Variants in PPP2R2B observed in about 807,000 individuals in gnomAD.
PPP2R2B encodes the protein serine/threonine-protein phosphatase 2A 55 kDa regulatory subunit B beta isoform.
In PPP2R2B, 5 loss-of-function variants were observed where a neutral mutation model predicts 46.0. The ratio of observed to expected loss-of-function variants is 0.11; its 90% CI spans 0.06 to 0.23. The LOEUF is 0.23. PPP2R2B is among the 10% of genes least tolerant of loss of function. The probability of loss-of-function intolerance (pLI) is 1.00; values close to 1 mark genes in which losing one functional copy is unlikely to be tolerated. For missense variants in PPP2R2B, 367 were observed against 575.0 expected (o/e 0.64, Z 3.70); for synonymous variants, 215 against 206.7 (o/e 1.04, Z -0.34).
chr5:146,993,473 C>T (rs1173597782), intron 1 of PPP2R2B, among the ~76,000 whole-genome samples: 3 of 151,906 alleles, frequency 2.0e-5, no homozygotes, highest in Non-Finnish European at 4.4e-5. Flanking sequence ...AACTCCTGAG[C>T]TCAAGTGATC....
At position 146,876,034 on chromosome 5, in the gene PPP2R2B, G is replaced by T. The variant is rs1761879314; in HGVS notation, c.70+1968C>A. Among the ~76,000 whole-genome samples the T allele has an allele frequency of 2.0e-5, 3 of 152,302 alleles. No individual in the cohort carries two copies. In the South Asian group the frequency reaches 6.2e-4, roughly 32 times the overall value. ...TCTTTTCATACCTTCTCTAAGATCA[G>T]ATTTTAAAACCTAGAAGCTTCTGTG... On this transcript the variant is annotated intron_variant, in intron 2 of 9. Transcript: ENST00000394411.
At position 146,746,577 on chromosome 5, in the gene PPP2R2B, C is replaced by T. The variant is rs184352446; in HGVS notation, c.71-45435G>A. Among the ~76,000 whole-genome samples, 30 of 152,280 alleles carry T rather than the reference C, an allele frequency of 2.0e-4. No individual in the cohort carries two copies. The East Asian group carries it at 3.5e-3, about 18-fold the overall frequency. Reference sequence around the variant, plus strand: ...CAAAAGGAGAACAGGGCTTCCAGGACGACTCTGTCTGCTCCTCAATTTCTC... The same window carrying T: ...CAAAAGGAGAACAGGGCTTCCAGGATGACTCTGTCTGCTCCTCAATTTCTC... On this transcript the variant is annotated intron_variant, in intron 2 of 9. Coordinates refer to ENST00000394411, the MANE Select transcript of PPP2R2B (RefSeq NM_181675.4).
At chr5:146,812,808 TATATATATATATATATATATAC>T (rs1757689612) in intron 2 of PPP2R2B, among the ~76,000 whole-genome samples, 1 of 63,302 alleles carries the variant, frequency 1.6e-5, no homozygotes, top group African/African-American at 6.4e-5. Context: ...TATATATATA[TATATATATATATATATATATAC>T]ACACACATTT....
chr5:146,944,105 T>G (rs1050348814), intron 1 of PPP2R2B, among the ~76,000 whole-genome samples: 5 of 152,218 alleles, frequency 3.3e-5, no homozygotes, highest in African/African-American at 1.2e-4. Flanking sequence ...ATTAAAGTTT[T>G]AATCTCAGAC....
intron 2 of PPP2R2B, among the ~76,000 whole-genome samples, chr5:146,722,117 A>G (rs1319520067): frequency 6.6e-6 from 1 of 152,174 alleles, no homozygotes; most frequent in Non-Finnish European, 1.5e-5. Flanking sequence ...CCAGCCTTCT[A>G]ACATAGGCAG....
intron 1 of PPP2R2B, among the ~76,000 whole-genome samples, chr5:146,955,399 T>C (rs1751845377): frequency 6.6e-6 from 1 of 152,200 alleles, no homozygotes; most frequent in Non-Finnish European, 1.5e-5. Context: ...AGACTACATT[T>C]TGAGTAGCAA....
At chr5:146,992,946 TTA>T (rs1372762665) in intron 1 of PPP2R2B, among the ~76,000 whole-genome samples, 7 of 152,146 alleles carry the variant, frequency 4.6e-5, no homozygotes, top group African/African-American at 1.4e-4. Context: ...TTTTTTATTT[TTA>T]TGTTTATTTT....
At chr5:146,854,718 C>T (rs188016404) in intron 2 of PPP2R2B, among the ~76,000 whole-genome samples, 2 of 152,134 alleles carry the variant, frequency 1.3e-5, no homozygotes, top group African/African-American at 4.8e-5. Flanking sequence ...TCACACTGAT[C>T]GCTAAGCTGT....
chr5:146,699,261 T>C (rs1779396200), intron 3 of PPP2R2B, among the ~76,000 whole-genome samples: 8 of 152,150 alleles, frequency 5.3e-5, no homozygotes. Context: ...TTGTGCAGAC[T>C]CTCTGGGTGT....
intron 1 of PPP2R2B, among the ~76,000 whole-genome samples, chr5:146,948,515 T>C (rs1466271052): frequency 6.6e-6 from 1 of 152,024 alleles, no homozygotes; most frequent in Non-Finnish European, 1.5e-5. Context: ...TACACAAAAA[T>C]ATAAATGTAA....
At chr5:146,688,445 G>A (rs1778640150) in intron 5 of PPP2R2B, among the ~76,000 whole-genome samples, 1 of 151,896 alleles carries the variant, frequency 6.6e-6, no homozygotes, top group South Asian at 2.1e-4. Context: ...CTCCTCTCTG[G>A]AGTGGGTCTC....
intron 1 of PPP2R2B, among the ~76,000 whole-genome samples, chr5:147,023,117 CAT>C (rs1322589363): frequency 2.0e-5 from 3 of 151,960 alleles, no homozygotes; most frequent in Non-Finnish European, 4.4e-5. Context: ...TATTTAGACA[CAT>C]ATGTATACAT....
chr5:146,636,845 A>T (rs546341393), intron 7 of PPP2R2B, among the ~76,000 whole-genome samples: 1 of 152,098 alleles, frequency 6.6e-6, no homozygotes, highest in Non-Finnish European at 1.5e-5. Context: ...ACACCCTTCA[A>T]ATGTTCCATT....
At chr5:146,608,757 C>A (rs1167270932) in intron 7 of PPP2R2B, among the ~76,000 whole-genome samples, 1 of 152,104 alleles carries the variant, frequency 6.6e-6, no homozygotes, top group East Asian at 1.9e-4. Context: ...TGCACTCCAG[C>A]CTGGGCCACA....
At chr5:146,728,154 T>C (rs1751997003) in intron 2 of PPP2R2B, among the ~76,000 whole-genome samples, 1 of 148,798 alleles carries the variant, frequency 6.7e-6, no homozygotes, top group Non-Finnish European at 1.5e-5. Flanking sequence ...TTTTTTTTTT[T>C]TTTTTTTTCA....
At chr5:147,010,978 C>T (rs1356807945) in intron 1 of PPP2R2B, among the ~76,000 whole-genome samples, 1 of 152,146 alleles carries the variant, frequency 6.6e-6, no homozygotes, top group African/African-American at 2.4e-5. Context: ...GGCCTTGGCA[C>T]TTCTCTACTC....
chr5:146,990,837 T>C (rs1318045893), intron 1 of PPP2R2B, among the ~76,000 whole-genome samples: 1 of 151,868 alleles, frequency 6.6e-6, no homozygotes, highest in Admixed American at 6.6e-5. Context: ...TCAGAATATA[T>C]AAGAAACTCA....
chr5:146,863,045 T>C (rs938954272), intron 2 of PPP2R2B, among the ~76,000 whole-genome samples: 1 of 151,660 alleles, frequency 6.6e-6, no homozygotes, highest in Admixed American at 6.6e-5. Context: ...TTTTTTTTTT[T>C]CCACAGTGCA....
intron 2 of PPP2R2B, among the ~76,000 whole-genome samples, chr5:146,717,044 C>T (rs982372768): frequency 2.6e-5 from 4 of 152,188 alleles, no homozygotes; most frequent in Admixed American, 2.0e-4. Context: ...CTCATGGGGA[C>T]AACTGACTTT....
Sources: allele counts gnomAD v4.1 joint callset (sites outside exome capture counted in the v4.1 genomes callset), GRCh38; gene constraint gnomAD v4.1.1; transcripts MANE v1.5; gene names NCBI Gene and HGNC (gene_info 2026-07-23, HGNC 2026-07-21).